Variants in KHDRBS2 observed in about 807,000 individuals in gnomAD.
The protein encoded by KHDRBS2 is KH domain-containing, RNA-binding, signal transduction-associated protein 2.
KHDRBS2 carries 26 observed loss-of-function variants against 44.3 expected under a neutral mutation model. That is an observed-to-expected ratio of 0.59 (90% CI 0.43 to 0.81). KHDRBS2 has a LOEUF of 0.81. Among genes scored for constraint, KHDRBS2 ranks in the 40% least tolerant of loss-of-function variants. KHDRBS2 has a pLI of 0.00. For missense variants in KHDRBS2, 476 were observed against 433.1 expected (o/e 1.10, Z -0.88); for synonymous variants, 194 against 151.1 (o/e 1.28, Z -2.08).
At chr6:62,074,209 C>T (rs780385951) in intron 2 of KHDRBS2, among the ~76,000 whole-genome samples, 91 of 151,788 alleles carry the variant, frequency 6.0e-4, no homozygotes, top group Non-Finnish European at 5.9e-4. Context: ...ATTAAATAAG[C>T]TAGGATCCAG....
intron 3 of KHDRBS2, among the ~76,000 whole-genome samples, chr6:61,980,480 A>C (rs1355132604): frequency 6.6e-6 from 1 of 152,158 alleles, no homozygotes; most frequent in Non-Finnish European, 1.5e-5. Context: ...AAATTGTAGA[A>C]GTTTTATAGA....
chr6:62,132,096 G>C (rs558409188), intron 2 of KHDRBS2, among the ~76,000 whole-genome samples: 1 of 152,158 alleles, frequency 6.6e-6, no homozygotes, highest in Admixed American at 6.5e-5. Context: ...ACATTACTAA[G>C]TAATCAAAAA....
intron 8 of KHDRBS2, among the ~76,000 whole-genome samples, chr6:61,691,687 C>A (rs1359991105): frequency 6.6e-6 from 1 of 151,944 alleles, no homozygotes; most frequent in Non-Finnish European, 1.5e-5. Context: ...TAAAAATAGA[C>A]AGTCTTTGTT....
At chr6:62,032,071 G>A (rs1784428710) in intron 3 of KHDRBS2, among the ~76,000 whole-genome samples, 1 of 152,068 alleles carries the variant, frequency 6.6e-6, no homozygotes, top group African/African-American at 2.4e-5. Flanking sequence ...GAAAGTAAAG[G>A]AAGAGAACAT....
At chr6:61,730,419 G>T (rs1774259789) in intron 7 of KHDRBS2, among the ~76,000 whole-genome samples, 1 of 152,010 alleles carries the variant, frequency 6.6e-6, no homozygotes, top group Admixed American at 6.6e-5. Context: ...TATCCCTTCA[G>T]TGCATACCCC....
In KHDRBS2 at chr6:61,680,856, A is replaced by G. The variant is rs1766216751; in HGVS notation, c.*107T>C. The stretch of plus-strand genomic sequence containing the variant: ...AATCATGAGCAGTTATCCCTAGAAT[A>G]GAAACAAACAAACAAAAAAAGGACT... On this transcript the variant is annotated 3_prime_UTR_variant, in exon 9 of 9. Transcript: ENST00000281156. 1.5e-6 allele frequency: 1 copy of G among 665,278 alleles called. No individual in the cohort carries two copies. The highest frequency in any genetic ancestry group is 2.7e-6 in the Non-Finnish European group (1 of 376,028). 41.2% of individuals were successfully genotyped at this position (665,278 alleles called of 1,614,324 possible).
At chr6:61,908,911 CT>C (rs1237321793) in intron 4 of KHDRBS2, among the ~76,000 whole-genome samples, 4 of 152,158 alleles carry the variant, frequency 2.6e-5, no homozygotes, top group Admixed American at 6.5e-5. Context: ...AATATCCACA[CT>C]CAAAGAAAAT....
At chr6:61,922,766 T>C (rs1290422902) in intron 4 of KHDRBS2, among the ~76,000 whole-genome samples, 4 of 152,124 alleles carry the variant, frequency 2.6e-5, no homozygotes, top group Non-Finnish European at 5.9e-5. Context: ...TAAAAAGTTA[T>C]AAAAGCAAGA....
intron 4 of KHDRBS2, among the ~76,000 whole-genome samples, chr6:61,941,417 T>C (rs995920549): frequency 1.1e-4 from 17 of 151,960 alleles, no homozygotes; most frequent in Non-Finnish European, 2.1e-4. Flanking sequence ...ATTACTGCCA[T>C]TATTAGCATC....
Position 62,258,051 on chromosome 6 carries a change from C to T in KHDRBS2, c.91+27807G>A, listed in dbSNP as rs144770213. Among the ~76,000 whole-genome samples, 1,046 of 152,046 alleles carry T rather than the reference C, an allele frequency of 6.9e-3. 4 individuals are homozygous for T. The highest frequency in any genetic ancestry group is 0.031 in the Middle Eastern group (9 of 294). On this transcript the variant is annotated intron_variant, in intron 1 of 8. Transcript: ENST00000281156. ...CGACATGATGCCACAGACCAGAATA[C>T]CTATGTTAGCAGTTAAACAGCAGTG...
chr6:61,929,792 C>G (rs1206568025), intron 4 of KHDRBS2, among the ~76,000 whole-genome samples: 2 of 152,092 alleles, frequency 1.3e-5, no homozygotes, highest in African/African-American at 2.4e-5. Context: ...ACATTTCCTA[C>G]AGATATATAT....
chr6:61,903,948 G>C (rs1357160145), intron 4 of KHDRBS2, among the ~76,000 whole-genome samples: 3 of 152,142 alleles, frequency 2.0e-5, no homozygotes, highest in African/African-American at 7.2e-5. Context: ...GGTGCAGTCA[G>C]AAAAATCACC....
chr6:61,733,485 C>T (rs1043045393), intron 6 of KHDRBS2, among the ~76,000 whole-genome samples: 8 of 151,842 alleles, frequency 5.3e-5, no homozygotes, highest in Non-Finnish European at 1.0e-4. Flanking sequence ...ATCCCAGCTG[C>T]TCAAGAGGCT....
chr6:61,929,894 T>A (rs1223748214), intron 4 of KHDRBS2, among the ~76,000 whole-genome samples: 10 of 152,186 alleles, frequency 6.6e-5, no homozygotes, highest in Non-Finnish European at 1.3e-4. Context: ...AAATACATAA[T>A]CACAACTATT....
intron 1 of KHDRBS2, among the ~76,000 whole-genome samples, chr6:62,270,451 A>T (rs1235507760): frequency 6.6e-6 from 1 of 151,506 alleles, no homozygotes; most frequent in Non-Finnish European, 1.5e-5. Context: ...GCTTCCTGTG[A>T]GGCCTGCAAA....
chr6:62,256,503 C>G (rs895064800), intron 1 of KHDRBS2, among the ~76,000 whole-genome samples: 1 of 151,974 alleles, frequency 6.6e-6, no homozygotes, highest in Non-Finnish European at 1.5e-5. Context: ...CACAAACTCT[C>G]TTCTCTTGTC....
chr6:62,269,223 T>C (rs2150187156), intron 1 of KHDRBS2, among the ~76,000 whole-genome samples: 1 of 152,022 alleles, frequency 6.6e-6, no homozygotes, highest in African/African-American at 2.4e-5. Context: ...CACATAGGAC[T>C]AAGTATGAAA....
rs1180238236 is a variant in KHDRBS2, at chr6:61,684,519, G to A, written c.953-3459C>T. Among the ~76,000 whole-genome samples the A allele has an allele frequency of 3.3e-5, 5 of 151,738 alleles. No homozygotes were observed. In the East Asian group the frequency reaches 5.8e-4, roughly 18 times the overall value. On this transcript the variant is annotated intron_variant, in intron 8 of 8. Coordinates refer to ENST00000281156, the MANE Select transcript of KHDRBS2 (RefSeq NM_152688.4). ...TTCTAAATATTTAAAGCCTTCCTAC[G>A]AATTTTAGAGTCCTGTTTTTTTCTA...
intron 1 of KHDRBS2, among the ~76,000 whole-genome samples, chr6:62,250,519 G>T (rs1325215964): frequency 6.6e-6 from 1 of 151,984 alleles, no homozygotes; most frequent in South Asian, 2.1e-4. Context: ...AAGAAGGAAG[G>T]AAGAAGGGAG....
Sources: gnomAD v4.1 joint callset for allele counts (sites outside exome capture counted in the v4.1 genomes callset) on GRCh38, gnomAD v4.1.1 for gene constraint, MANE v1.5 for transcripts, NCBI Gene and HGNC (gene_info 2026-07-23, HGNC 2026-07-21) for gene names.